CHN2: variants seen among roughly 807,000 people sequenced by gnomAD.
CHN2 encodes beta-chimaerin.
CHN2 carries 35 observed loss-of-function variants against 56.3 expected under a neutral mutation model. The observed-to-expected ratio is 0.62, with a 90% CI of 0.47 to 0.82. The LOEUF (loss-of-function observed/expected upper bound fraction) is 0.82, where lower values mean the gene tolerates loss of function less well. CHN2 is among the 40% of genes least tolerant of loss of function. The probability of loss-of-function intolerance (pLI) is 0.00; values close to 1 mark genes in which losing one functional copy is unlikely to be tolerated. For synonymous variants in CHN2, 210 were observed against 212.8 expected, an observed-to-expected ratio of 0.99 and a Z score of 0.12; for missense variants, 491 against 580.5, an observed-to-expected ratio of 0.85 and a Z score of 1.58.
intron 1 of CHN2, among the ~76,000 whole-genome samples, chr7:29,251,540 G>A (rs757521412): frequency 6.6e-6 from 1 of 152,204 alleles, no homozygotes. Context: ...TTATAGGGAT[G>A]AGATATATAT....
chr7:29,227,470 CG>C (rs1299484044), intron 1 of CHN2, among the ~76,000 whole-genome samples: 6 of 152,148 alleles, frequency 3.9e-5, no homozygotes, highest in African/African-American at 1.2e-4. Flanking sequence ...CCCACTTTAT[CG>C]TAAGTCCATA....
intron 6 of CHN2, among the ~76,000 whole-genome samples, chr7:29,415,138 C>G (rs1365294251): frequency 2.0e-5 from 3 of 152,198 alleles, no homozygotes; most frequent in Non-Finnish European, 4.4e-5. Flanking sequence ...CAACGACTAG[C>G]TCGGGATGGG....
intron 6 of CHN2, among the ~76,000 whole-genome samples, chr7:29,433,188 G>A (rs1289875573): frequency 6.6e-6 from 1 of 152,016 alleles, no homozygotes; most frequent in Non-Finnish European, 1.5e-5. Flanking sequence ...TTACACTTTG[G>A]CAAAAAGTGA....
chr7:29,321,458 A>G (rs1315505515), intron 1 of CHN2, among the ~76,000 whole-genome samples: 1 of 152,106 alleles, frequency 6.6e-6, no homozygotes, highest in Non-Finnish European at 1.5e-5. Context: ...CAGGTGACCC[A>G]CTTGCCCAAG....
chr7:29,194,772 T>C, upstream of CHN2: 1 of 484,420 alleles, frequency 2.1e-6, no homozygotes, highest in South Asian at 5.7e-5. Context: ...CAGCGCGTCA[T>C]CTGGTGGAGC....
intron 1 of CHN2, among the ~76,000 whole-genome samples, chr7:29,261,187 T>G (rs1353708970): frequency 6.6e-6 from 1 of 152,224 alleles, no homozygotes; most frequent in Non-Finnish European, 1.5e-5. Flanking sequence ...TCCAAACAAC[T>G]CTTTTACAGA....
intron 6 of CHN2, among the ~76,000 whole-genome samples, chr7:29,465,077 A>G (rs1410372746): frequency 6.6e-6 from 1 of 152,140 alleles, no homozygotes; most frequent in East Asian, 1.9e-4. Flanking sequence ...TCCTTCTGAT[A>G]TCATCAGAAT....
intron 1 of CHN2, among the ~76,000 whole-genome samples, chr7:29,204,179 T>G (rs1784366596): frequency 1.3e-5 from 2 of 151,848 alleles, no homozygotes; most frequent in African/African-American, 4.8e-5. Context: ...TATGTGGGTT[T>G]ACATACACAT....
In CHN2 at chr7:29,507,876, G is replaced by A. The variant is rs113192162; in HGVS notation, c.1129+511G>A. Among the ~76,000 whole-genome samples, 331 of 152,276 alleles carry A rather than the reference G, an allele frequency of 2.2e-3. 4 individuals carry two copies. The highest frequency in any genetic ancestry group is 7.5e-3 in the African/African-American group (311 of 41,552). On this transcript the variant is annotated intron_variant, in intron 11 of 12. Coordinates refer to ENST00000222792, the MANE Select transcript of CHN2 (RefSeq NM_004067.4). ...GGTTTACAAATTTGTGCTGGGCCAT[G>A]TTCAAAGCTGTCCTGGGCATGTGCG...
chr7:29,455,514 G>A (rs1784685393), intron 6 of CHN2, among the ~76,000 whole-genome samples: 3 of 152,168 alleles, frequency 2.0e-5, no homozygotes, highest in Non-Finnish European at 4.4e-5. Context: ...CCTATTTAGT[G>A]TCTTTGTGTG....
At chr7:29,348,250 T>TC (rs972374270) in intron 1 of CHN2, among the ~76,000 whole-genome samples, 1 of 152,182 alleles carries the variant, frequency 6.6e-6, no homozygotes, top group African/African-American at 2.4e-5. Flanking sequence ...TTCTTTGTTT[T>TC]CCCTCAAAGA....
At chr7:29,510,986 G>A (rs781311966) in intron 12 of CHN2, among the ~76,000 whole-genome samples, 3 of 152,142 alleles carry the variant, frequency 2.0e-5, no homozygotes, top group Middle Eastern at 3.2e-3. Context: ...TAATGAGGTC[G>A]ATGAATTGGT....
At chr7:29,389,027 C>T (rs1257206859) in intron 3 of CHN2, among the ~76,000 whole-genome samples, 1 of 152,186 alleles carries the variant, frequency 6.6e-6, no homozygotes, top group Non-Finnish European at 1.5e-5. Context: ...TTCATTTCTG[C>T]CAAGTTCCCA....
intron 6 of CHN2, among the ~76,000 whole-genome samples, chr7:29,451,503 T>C (rs1490894602): frequency 6.6e-6 from 1 of 151,930 alleles, no homozygotes; most frequent in Non-Finnish European, 1.5e-5. Context: ...AAAAATGACA[T>C]AGTTGATAAA....
chr7:29,231,938 T>A (rs1483932243), intron 1 of CHN2, among the ~76,000 whole-genome samples: 5 of 152,240 alleles, frequency 3.3e-5, no homozygotes, highest in South Asian at 4.1e-4. Flanking sequence ...TTATTTCTAA[T>A]AATATTACAG....
At chr7:29,438,943 C>T (rs1783435225) in intron 6 of CHN2, among the ~76,000 whole-genome samples, 1 of 152,154 alleles carries the variant, frequency 6.6e-6, no homozygotes, top group Non-Finnish European at 1.5e-5. Flanking sequence ...ATACTGTTTT[C>T]CTATTATCTT....
intron 6 of CHN2, among the ~76,000 whole-genome samples, chr7:29,467,236 G>T (rs1022580921): frequency 2.6e-5 from 4 of 152,154 alleles, no homozygotes; most frequent in African/African-American, 9.7e-5. Context: ...GAATCTTAAA[G>T]GATATTAATA....
chr7:29,498,822 C>T (rs35312889), intron 8 of CHN2, among the ~76,000 whole-genome samples: 26,293 of 140,562 alleles, frequency 0.19, 2,469 homozygotes, highest in Middle Eastern at 0.25. Context: ...AGTGCGGTGG[C>T]GCAATCTCAG....
intron 1 of CHN2, among the ~76,000 whole-genome samples, chr7:29,230,078 A>G (rs1317958121): frequency 1.3e-5 from 2 of 152,158 alleles, no homozygotes; most frequent in Non-Finnish European, 2.9e-5. Context: ...CCTAGCAGAG[A>G]TGAATACTTG....
Sources: allele counts gnomAD v4.1 joint callset (sites outside exome capture counted in the v4.1 genomes callset), GRCh38; gene constraint gnomAD v4.1.1; transcripts MANE v1.5; gene names NCBI Gene and HGNC (gene_info 2026-07-23, HGNC 2026-07-21).